The following PLCB4 variants were observed in gnomAD, a reference collection of about 807,000 sequenced individuals.
PLCB4 encodes the protein 1-phosphatidylinositol 4,5-bisphosphate phosphodiesterase beta-4.
PLCB4 carries 77 observed loss-of-function variants against 178.8 expected under a neutral mutation model. The observed-to-expected ratio is 0.43, with a 90% CI of 0.36 to 0.52. PLCB4 has a LOEUF of 0.52. Ranked by LOEUF, PLCB4 falls within the 20% of genes least tolerant of loss-of-function variation. The probability of loss-of-function intolerance (pLI) is 0.00; values close to 1 mark genes in which losing one functional copy is unlikely to be tolerated. For missense variants in PLCB4, 1,024 were observed against 1,453.4 expected (o/e 0.70, Z 4.80); for synonymous variants, 496 against 490.8 (o/e 1.01, Z -0.14).
chr20:9,297,098 A>T (rs2094645757), intron 3 of PLCB4, among the ~76,000 whole-genome samples: 1 of 152,116 alleles, frequency 6.6e-6, no homozygotes, highest in South Asian at 2.1e-4. Context: ...TTTATTATTC[A>T]TGAAAGAGAA....
intron 3 of PLCB4, among the ~76,000 whole-genome samples, chr20:9,307,524 C>T (rs1308584100): frequency 1.3e-5 from 2 of 151,052 alleles, no homozygotes; most frequent in Non-Finnish European, 3.0e-5. Flanking sequence ...CACACACACA[C>T]ACACACACAC....
At chr20:9,333,925 A>AAAT in intron 4 of PLCB4, among the ~76,000 whole-genome samples, 1 of 152,282 alleles carries the variant, frequency 6.6e-6, no homozygotes, top group Non-Finnish European at 1.5e-5. Context: ...GGGAGAGAAT[A>AAAT]AAGAGTTCAG....
chr20:9,336,844 T>C (rs2032540047), intron 4 of PLCB4, among the ~76,000 whole-genome samples: 1 of 152,152 alleles, frequency 6.6e-6, no homozygotes, highest in African/African-American at 2.4e-5. Flanking sequence ...TTCCAAGATA[T>C]TAAGGAAACT....
chr20:9,112,501 A>G (rs1342447651), intron 2 of PLCB4, among the ~76,000 whole-genome samples: 1 of 151,862 alleles, frequency 6.6e-6, no homozygotes, highest in Non-Finnish European at 1.5e-5. Flanking sequence ...TGATCTGCCC[A>G]CTTCGACCTC....
chr20:9,202,302 G>T (rs2147192909), intron 2 of PLCB4, among the ~76,000 whole-genome samples: 1 of 152,278 alleles, frequency 6.6e-6, no homozygotes, highest in East Asian at 1.9e-4. Context: ...TTGTGTGGTG[G>T]TTACATGGCT....
At chr20:9,320,274 C>G (rs1048554799) in intron 4 of PLCB4, among the ~76,000 whole-genome samples, 2 of 152,174 alleles carry the variant, frequency 1.3e-5, no homozygotes, top group African/African-American at 4.8e-5. Flanking sequence ...AGGGTAACTT[C>G]CGGACATTGC....
At chr20:9,240,822 G>C (rs1386651275) in intron 3 of PLCB4, among the ~76,000 whole-genome samples, 1 of 152,136 alleles carries the variant, frequency 6.6e-6, no homozygotes, top group African/African-American at 2.4e-5. Flanking sequence ...AAAGGAGAGA[G>C]GGGGAGATGA....
rs2093448834 is a variant in PLCB4, at chr20:9,194,715, A to AG, written c.-78-22674dup. 2.0e-5 allele frequency among the ~76,000 whole-genome samples: 3 copies of AG among 148,774 alleles called. No individual in the cohort carries two copies. The South Asian group carries it at 6.3e-4, about 31-fold the overall frequency. On this transcript the variant is annotated intron_variant, in intron 2 of 39. Coordinates refer to ENST00000378473, the MANE Select transcript of PLCB4 (RefSeq NM_001377142.1). Reference sequence around the variant, plus strand: ...CTCAAAAAAAAAAAAAAAAAAAAAAAGAACCTTTTTTTAATTTCCTTACTT... The same window carrying AG: ...CTCAAAAAAAAAAAAAAAAAAAAAAAGGAACCTTTTTTTAATTTCCTTACTT...
Position 9,409,176 on chromosome 20 carries a change from C to T in PLCB4, c.1994C>T (p.Thr665Ile), listed in dbSNP as rs1197940571. 12 of 1,592,996 alleles carry T rather than the reference C, an allele frequency of 7.5e-6. No homozygotes were observed. The highest frequency in any genetic ancestry group is 9.4e-6 in the Non-Finnish European group (11 of 1,174,238). The change falls in exon 24 of 40, where the codon ACC becomes ATC. Residue 665 changes from threonine (T) to isoleucine (I), a missense_variant. By Grantham distance (89) the Thr-to-Ile change is moderately conservative. Transcript: ENST00000378473. ...CAGATGGTTTCACTGAACTATCAAA[C>T]CCCAGGTAGGAGCTGATGTCCAGTG... ...GCQMVSLNYQ[T>I]PDLAMQLNQG...
At chr20:9,393,461 G>C in intron 17 of PLCB4, 127 bp from the exon 18 acceptor site, 2 of 617,152 alleles carry the variant, frequency 3.2e-6, no homozygotes, top group Non-Finnish European at 5.8e-6. Flanking sequence ...ACAGAAGGCT[G>C]TGCCGCCTGC....
At chr20:9,359,794 ATTGCT>A (rs1412859171) in intron 7 of PLCB4, among the ~76,000 whole-genome samples, 2 of 152,136 alleles carry the variant, frequency 1.3e-5, no homozygotes, top group Non-Finnish European at 2.9e-5. Flanking sequence ...TTCGTGGTTT[ATTGCT>A]TCTGTTAGTC....
At chr20:9,273,250 C>T (rs376025342) in intron 3 of PLCB4, among the ~76,000 whole-genome samples, 96 of 152,188 alleles carry the variant, frequency 6.3e-4, no homozygotes, top group African/African-American at 1.8e-3. Context: ...TAGTATGTAT[C>T]GAGCAACAAT....
intron 2 of PLCB4, among the ~76,000 whole-genome samples, chr20:9,183,474 A>G (rs1197842101): frequency 2.0e-5 from 3 of 152,182 alleles, no homozygotes; most frequent in Admixed American, 6.5e-5. Flanking sequence ...CCATCACCAC[A>G]CATAAGAAAG....
chr20:9,424,055 C>G (rs2040828904), intron 28 of PLCB4, 103 bp downstream of exon 28: 1 of 756,186 alleles, frequency 1.3e-6, no homozygotes, highest in Non-Finnish European at 2.2e-6. Flanking sequence ...AAAATACTGT[C>G]TATTCCTGCT....
At chr20:9,161,553 A>C (rs2092887999) in intron 2 of PLCB4, among the ~76,000 whole-genome samples, 1 of 152,236 alleles carries the variant, frequency 6.6e-6, no homozygotes, top group South Asian at 2.1e-4. Flanking sequence ...TGTTTGGTTA[A>C]TCATAGGAAA....
At chr20:9,371,782 T>C (rs2036274717) in intron 10 of PLCB4, among the ~76,000 whole-genome samples, 1 of 152,240 alleles carries the variant, frequency 6.6e-6, no homozygotes, top group African/African-American at 2.4e-5. Flanking sequence ...TTTAAAATAA[T>C]TGAAATTAAT....
At chr20:9,408,086 C>CT (rs1431677539) in intron 22 of PLCB4, 28 bp downstream of exon 22, 4 of 1,576,044 alleles carry the variant, frequency 2.5e-6, no homozygotes, top group Admixed American at 1.9e-5. Flanking sequence ...ATGCAGTCGC[C>CT]TTTTTTGCTT....
intron 2 of PLCB4, among the ~76,000 whole-genome samples, chr20:9,183,119 A>G (rs1484760666): frequency 3.3e-5 from 5 of 152,162 alleles, no homozygotes; most frequent in African/African-American, 1.2e-4. Context: ...TTGTCCAAAC[A>G]TAAGTGGTGT....
chr20:9,472,846 G>C lies in PLCB4; in HGVS notation c.3407G>C (p.Arg1136Thr). Reference protein sequence around the residue: ...NTKKFLEERKRLAMKQSKEMD... With the variant: ...NTKKFLEERKTLAMKQSKEMD... The stretch of plus-strand genomic sequence containing the variant: ...AAAAAGTTTCTGGAAGAAAGAAAGA[G>C]AGTAAGTATTTTATTATATTTTTGG... The change falls in exon 37 of 40, where the codon AGA becomes ACA. Residue 1136 changes from arginine (R) to threonine (T), a missense_variant and splice_region_variant. This residue lies in a region of PLCB4 where 264 missense variants were observed against 283.2 expected (regional missense o/e 0.93). Coordinates refer to ENST00000378473, the MANE Select transcript of PLCB4 (RefSeq NM_001377142.1). 1.3e-6 allele frequency: 2 copies of C among 1,563,542 alleles called. No individual in the cohort carries two copies. Among genetic ancestry groups the C allele is most frequent in the Non-Finnish European group, 1.8e-6 (2 of 1,138,626 alleles).
Sources: gnomAD v4.1 joint callset for allele counts (sites outside exome capture counted in the v4.1 genomes callset) on GRCh38, gnomAD v4.1.1 for gene constraint, gnomAD v4.1.1 regional missense constraint, MANE v1.5 for transcripts, NCBI Gene and HGNC (gene_info 2026-07-23, HGNC 2026-07-21) for gene names.